Variants in RALYL observed in about 807,000 individuals in gnomAD.
RALYL encodes the protein RNA-binding Raly-like protein.
A neutral mutation model predicts 35.1 loss-of-function variants in RALYL; 29 were observed. That is an observed-to-expected ratio of 0.83 (90% CI 0.61 to 1.13). The LOEUF (loss-of-function observed/expected upper bound fraction) is 1.13. Among genes scored for constraint, RALYL ranks in the 50% most tolerant of loss-of-function variants. The pLI, the probability that RALYL is intolerant of heterozygous loss-of-function variation, is 0.00. For synonymous variants in RALYL, 120 were observed against 127.6 expected (o/e 0.94, Z 0.40); for missense variants, 359 against 360.4 (o/e 1.00, Z 0.03).
At chr8:84,518,365 C>A (rs962730518) in intron 1 of RALYL, among the ~76,000 whole-genome samples, 3 of 152,166 alleles carry the variant, frequency 2.0e-5, no homozygotes, top group Non-Finnish European at 4.4e-5. Flanking sequence ...GAAACTCACT[C>A]ATGGATATCA....
chr8:84,460,518 T>C (rs995074132), intron 1 of RALYL, among the ~76,000 whole-genome samples: 2 of 151,694 alleles, frequency 1.3e-5, no homozygotes, highest in Non-Finnish European at 3.0e-5. Context: ...GGATGTAAAA[T>C]GTTCTTCAAG....
chr8:84,248,351 T>A (rs1450428695), intron 1 of RALYL, among the ~76,000 whole-genome samples: 1 of 152,110 alleles, frequency 6.6e-6, no homozygotes, highest in African/African-American at 2.4e-5. Flanking sequence ...TTATCAAACC[T>A]GGACCAAATA....
At chr8:84,358,488 T>A (rs1040179299) in intron 1 of RALYL, among the ~76,000 whole-genome samples, 3 of 151,958 alleles carry the variant, frequency 2.0e-5, no homozygotes, top group African/African-American at 7.2e-5. Context: ...ATGTTTCAGA[T>A]AAGGGAATAT....
At position 84,469,787 on chromosome 8, in the gene RALYL, C is replaced by T. The variant is rs555540394; in HGVS notation, c.-23-59512C>T. 4.4e-4 allele frequency among the ~76,000 whole-genome samples: 67 copies of T among 152,148 alleles called. No individual in the cohort carries two copies. The South Asian group carries it at 0.011, about 25-fold the overall frequency. On this transcript the variant is annotated intron_variant, in intron 1 of 8. Coordinates refer to ENST00000521268, the MANE Select transcript of RALYL (RefSeq NM_173848.7). ...CTCAGACTGCTGTGCTAGCAATCAG[C>T]GAGACTCCGTGGGCATAGGACCCTC...
intron 4 of RALYL, among the ~76,000 whole-genome samples, chr8:84,849,525 T>C (rs1022922853): frequency 3.9e-5 from 6 of 152,022 alleles, no homozygotes; most frequent in African/African-American, 1.2e-4. Flanking sequence ...AAAACTATGG[T>C]CTTCATTCAT....
chr8:84,527,336 C>T (rs1049029450), intron 1 of RALYL, among the ~76,000 whole-genome samples: 3 of 152,096 alleles, frequency 2.0e-5, no homozygotes, highest in African/African-American at 7.2e-5. Context: ...GCTGTACCCT[C>T]GAATTAAATT....
At chr8:84,636,339 C>A (rs1825054262) in intron 2 of RALYL, among the ~76,000 whole-genome samples, 1 of 151,684 alleles carries the variant, frequency 6.6e-6, no homozygotes. Context: ...CATACTTTTC[C>A]CCTGTTGTTT....
At chr8:84,736,684 C>G (rs1847372089) in intron 2 of RALYL, among the ~76,000 whole-genome samples, 1 of 152,010 alleles carries the variant, frequency 6.6e-6, no homozygotes, top group South Asian at 2.1e-4. Flanking sequence ...TTCACAATTA[C>G]ATTTGATTGA....
At chr8:84,407,918 A>T (rs111417999) in intron 1 of RALYL, among the ~76,000 whole-genome samples, 4,519 of 152,174 alleles carry the variant, frequency 0.03, 214 homozygotes, top group African/African-American at 0.1. Context: ...GGTTTTGTAA[A>T]TGTAAACAAA....
intron 2 of RALYL, among the ~76,000 whole-genome samples, chr8:84,597,943 C>T (rs1814979411): frequency 6.6e-6 from 1 of 152,110 alleles, no homozygotes; most frequent in South Asian, 2.1e-4. Flanking sequence ...AAGACTATTG[C>T]ATCATTTCTC....
intron 2 of RALYL, among the ~76,000 whole-genome samples, chr8:84,599,400 G>A (rs1437367155): frequency 3.3e-5 from 5 of 151,782 alleles, no homozygotes. Context: ...TTGTCAATAT[G>A]CAATAAAATA....
At chr8:84,350,402 T>A (rs560764352) in intron 1 of RALYL, among the ~76,000 whole-genome samples, 14 of 150,814 alleles carry the variant, frequency 9.3e-5, no homozygotes, top group Middle Eastern at 3.4e-3. Flanking sequence ...AGAATTTTTT[T>A]AAATATTTGC....
chr8:84,615,674 C>T (rs1204348134), intron 2 of RALYL, among the ~76,000 whole-genome samples: 1 of 136,030 alleles, frequency 7.4e-6, no homozygotes, highest in Non-Finnish European at 1.5e-5. Context: ...ATACATGTGC[C>T]ATGCTGGTGC....
intron 2 of RALYL, among the ~76,000 whole-genome samples, chr8:84,742,880 T>C (rs1171173141): frequency 2.0e-5 from 3 of 151,990 alleles, no homozygotes; most frequent in Non-Finnish European, 4.4e-5. Flanking sequence ...CCTAATTTCT[T>C]TGTGCTCATA....
At chr8:84,200,019 T>G (rs2130989995) in intron 1 of RALYL, among the ~76,000 whole-genome samples, 1 of 133,646 alleles carries the variant, frequency 7.5e-6, no homozygotes, top group Admixed American at 7.4e-5. Context: ...AAAATCCCAG[T>G]ACTTATTATG....
chr8:84,285,962 A>AG (rs1181493520), intron 1 of RALYL, among the ~76,000 whole-genome samples: 1 of 152,126 alleles, frequency 6.6e-6, no homozygotes, highest in Non-Finnish European at 1.5e-5. Flanking sequence ...GAGATCACTG[A>AG]GGAGGCTATT....
At chr8:84,290,316 G>A (rs1037617082) in intron 1 of RALYL, among the ~76,000 whole-genome samples, 35 of 152,284 alleles carry the variant, frequency 2.3e-4, no homozygotes, top group Middle Eastern at 6.8e-3. Context: ...GCGCGTCTGT[G>A]TGAAGAGACC....
At chr8:84,511,702 C>T (rs1481575906) in intron 1 of RALYL, among the ~76,000 whole-genome samples, 2 of 152,164 alleles carry the variant, frequency 1.3e-5, no homozygotes, top group Non-Finnish European at 2.9e-5. Flanking sequence ...TCTCACCTCT[C>T]CCCATACCCA....
At chr8:84,429,191 G>T (rs983691780) in intron 1 of RALYL, among the ~76,000 whole-genome samples, 2 of 152,130 alleles carry the variant, frequency 1.3e-5, no homozygotes, top group Non-Finnish European at 2.9e-5. Context: ...TGTTGGAATG[G>T]TAATTGGATT....
Sources: gnomAD v4.1 joint callset for allele counts (sites outside exome capture counted in the v4.1 genomes callset) on GRCh38, gnomAD v4.1.1 for gene constraint, MANE v1.5 for transcripts, NCBI Gene and HGNC (gene_info 2026-07-23, HGNC 2026-07-21) for gene names.